The following STAB2 variants were observed in gnomAD, a reference collection of about 807,000 sequenced individuals.
STAB2 encodes stabilin 2.
In STAB2, 288 loss-of-function variants were observed where a neutral mutation model predicts 338.1. That is an observed-to-expected ratio of 0.85 (90% CI 0.77 to 0.94). STAB2 has a LOEUF of 0.94. Among genes scored for constraint, STAB2 ranks in the 40% least tolerant of loss-of-function variants. STAB2 has a pLI of 0.00. For synonymous variants in STAB2, 1,202 were observed against 1,193.3 expected (o/e 1.01, Z -0.15); for missense variants, 3,141 against 3,210.1 (o/e 0.98, Z 0.52).
intron 44 of STAB2, among the ~76,000 whole-genome samples, chr12:103,723,903 G>C (rs201572590): frequency 6.9e-6 from 1 of 145,152 alleles, no homozygotes; most frequent in Non-Finnish European, 1.5e-5. Context: ...AAGTTGAAAT[G>C]ATAAAAGTTG....
chr12:103,606,634 T>G (rs145061197), intron 3 of STAB2, among the ~76,000 whole-genome samples: 141 of 152,330 alleles, frequency 9.3e-4, no homozygotes, highest in African/African-American at 2.8e-3. Flanking sequence ...GTTGACAATT[T>G]TTTTGGTTTT....
chr12:103,589,935 G>A (rs1407875292), intron 1 of STAB2, among the ~76,000 whole-genome samples: 1 of 152,168 alleles, frequency 6.6e-6, no homozygotes, highest in Non-Finnish European at 1.5e-5. Context: ...TGATGGCAAA[G>A]GGTAAGCAAT....
intron 56 of STAB2, among the ~76,000 whole-genome samples, chr12:103,743,906 A>G (rs1882790169): frequency 6.6e-6 from 1 of 152,188 alleles, no homozygotes; most frequent in Admixed American, 6.5e-5. Context: ...TTCTTGGCCA[A>G]TGAAAAGTCT....
At chr12:103,702,150 AAAAAATC>A (rs1206292999) in intron 34 of STAB2, among the ~76,000 whole-genome samples, 2 of 152,032 alleles carry the variant, frequency 1.3e-5, no homozygotes, top group African/African-American at 4.8e-5. Context: ...AAAAAAAAAA[AAAAAATC>A]AAAACAAATT....
chr12:103,746,967 T>C (rs2139150777), intron 58 of STAB2, among the ~76,000 whole-genome samples: 1 of 149,976 alleles, frequency 6.7e-6, no homozygotes, highest in East Asian at 1.9e-4. Context: ...TTTTTTTTTT[T>C]TTTTCCGAGA....
chr12:103,638,118 A>T lies in STAB2; in HGVS notation c.812A>T (p.Asp271Val). 6.2e-7 allele frequency: 1 copy of T among 1,614,200 alleles called. No individual in the cohort carries two copies. Among genetic ancestry groups the T allele is most frequent in the Non-Finnish European group, 8.5e-7 (1 of 1,180,030 alleles). Residue 271 changes from aspartate to valine, a missense_variant, in exon 8 of 69, where the codon GAT becomes GTT. Transcript: ENST00000388887. ...SCTCQEGYRG[D>V]GQVCLPVDPC... is the part of the protein sequence containing the mutation. ...ACATGCCAAGAAGGCTACCGTGGGG[A>T]TGGCCAAGTGTGCTTGCCTGTGGAC...
intron 51 of STAB2, among the ~76,000 whole-genome samples, chr12:103,734,373 G>A (rs944510618): frequency 1.4e-5 from 2 of 147,738 alleles, no homozygotes; most frequent in Non-Finnish European, 3.0e-5. Flanking sequence ...GAACAAGAGC[G>A]ATCATATAGG....
At chr12:103,721,588 A>C (rs1198305824) in intron 44 of STAB2, among the ~76,000 whole-genome samples, 1 of 152,228 alleles carries the variant, frequency 6.6e-6, no homozygotes, top group Non-Finnish European at 1.5e-5. Context: ...ACTATGCAGG[A>C]TAGGGGTTCT....
intron 53 of STAB2, among the ~76,000 whole-genome samples, chr12:103,738,714 A>G (rs1486388601): frequency 6.6e-6 from 1 of 152,198 alleles, no homozygotes; most frequent in African/African-American, 2.4e-5. Context: ...AGCAAGAATT[A>G]TTATCCCTAT....
At chr12:103,643,736 A>G (rs568289481) in intron 9 of STAB2, among the ~76,000 whole-genome samples, 131 of 152,134 alleles carry the variant, frequency 8.6e-4, no homozygotes, top group African/African-American at 3.0e-3. Flanking sequence ...TTGTTGCATT[A>G]GAAAAGATAC....
chr12:103,725,797 C>T (rs575508109), intron 45 of STAB2, among the ~76,000 whole-genome samples: 1 of 152,042 alleles, frequency 6.6e-6, no homozygotes, highest in Non-Finnish European at 1.5e-5. Flanking sequence ...CTAGAGTAAC[C>T]AAATCTGCCA....
rs1477295107 is a variant in STAB2, at chr12:103,662,989, G to T, written c.2013G>T (p.Glu671Asp). 2 of 1,613,980 alleles carry T rather than the reference G, an allele frequency of 1.2e-6. No homozygotes were observed. The highest frequency in any genetic ancestry group is 2.2e-5 in the South Asian group (2 of 91,028). ...LPHRCDETKR[E>D]MKLGTCVSCS... is the part of the protein sequence containing the mutation. ...ATCGATGTGATGAAACAAAGAGAGA[G>T]ATGAAACTGGTAAGAAAACTAGGAA... Residue 671 changes from glutamate to aspartate, a missense_variant, in exon 18 of 69, where the codon GAG becomes GAT. Glu to Asp is a conservative substitution (Grantham distance 45). Transcript: ENST00000388887.
At chr12:103,629,872 C>T (rs539787677) in intron 5 of STAB2, among the ~76,000 whole-genome samples, 1 of 152,262 alleles carries the variant, frequency 6.6e-6, no homozygotes, top group South Asian at 2.1e-4. Context: ...TAGTGCAGTA[C>T]TCTGAACATA....
Position 103,755,454 on chromosome 12 carries a change from C to T in STAB2, c.6867C>T (p.Cys2289=), listed in dbSNP as rs375211716. 3.1e-6 allele frequency: 5 copies of T among 1,613,868 alleles called. No homozygotes were observed. Among genetic ancestry groups the T allele is most frequent in the Middle Eastern group, 1.6e-4 (1 of 6,084 alleles). The part of the protein sequence containing the change: ...PNKSEMWDVF[C]YRMKDVNCTC... Reference sequence around the variant, plus strand: ...AGAGTGAAATGTGGGATGTCTTCTGCTATCGGATGAAAGGTAACCGCCCCA... The same window carrying T: ...AGAGTGAAATGTGGGATGTCTTCTGTTATCGGATGAAAGGTAACCGCCCCA... The change falls in exon 62 of 69, where the codon TGC becomes TGT. Residue 2289 remains cysteine (C), a synonymous_variant. Transcript: ENST00000388887.
chr12:103,629,424 C>T (rs544380605), intron 5 of STAB2, among the ~76,000 whole-genome samples: 2 of 152,294 alleles, frequency 1.3e-5, no homozygotes, highest in Admixed American at 1.3e-4. Context: ...TTGGTTTGAC[C>T]ATTGGTGCTC....
At chr12:103,669,702 A>T (rs777984331) in intron 21 of STAB2, 75 bp downstream of exon 21, 1 of 1,334,008 alleles carries the variant, frequency 7.5e-7, no homozygotes, top group Admixed American at 1.7e-5. Context: ...AAAATGTGAT[A>T]TAATGCCAGC....
At chr12:103,604,319 A>T (rs186015382) in intron 3 of STAB2, among the ~76,000 whole-genome samples, 1 of 152,002 alleles carries the variant, frequency 6.6e-6, no homozygotes, top group East Asian at 1.9e-4. Flanking sequence ...GTTGGTGTAT[A>T]GTTTTCTTTT....
At chr12:103,640,949 A>G (rs1310101148) in intron 9 of STAB2, among the ~76,000 whole-genome samples, 1 of 152,194 alleles carries the variant, frequency 6.6e-6, no homozygotes, top group African/African-American at 2.4e-5. Context: ...TGTTTCTAGA[A>G]ACTATGACAC....
At position 103,697,486 on chromosome 12, in the gene STAB2, C is replaced by T. The variant is rs148608406; in HGVS notation, c.3583-1610C>T. Among the ~76,000 whole-genome samples the T allele has an allele frequency of 2.9e-3, 443 of 152,304 alleles. 4 individuals are homozygous for T. The highest frequency in any genetic ancestry group is 0.01 in the African/African-American group (422 of 41,562). On this transcript the variant is annotated intron_variant, in intron 33 of 68. Coordinates refer to ENST00000388887, the MANE Select transcript of STAB2 (RefSeq NM_017564.10). Reference sequence around the variant, plus strand: ...GCCTTCCCAAAAAGTCCTATAATCACCTTGGAGACAAATGTACTTTAAGTC... The same window carrying T: ...GCCTTCCCAAAAAGTCCTATAATCATCTTGGAGACAAATGTACTTTAAGTC...
Sources: gnomAD v4.1 joint callset for allele counts (sites outside exome capture counted in the v4.1 genomes callset) on GRCh38, gnomAD v4.1.1 for gene constraint, MANE v1.5 for transcripts, NCBI Gene and HGNC (gene_info 2026-07-23, HGNC 2026-07-21) for gene names.